KCNQ1: variants seen among roughly 807,000 people sequenced by gnomAD.
KCNQ1 encodes potassium voltage-gated channel subfamily Q member 1.
Under a neutral mutation model 72.4 loss-of-function variants are expected in KCNQ1, and 49 were observed. The observed-to-expected ratio is 0.68, with a 90% CI of 0.54 to 0.86. The LOEUF (loss-of-function observed/expected upper bound fraction) is 0.86, where lower values mean the gene tolerates loss of function less well. KCNQ1 is among the 40% of genes least tolerant of loss of function. The pLI, the probability that KCNQ1 is intolerant of heterozygous loss-of-function variation, is 0.00. For synonymous variants in KCNQ1, 450 were observed against 412.6 expected (o/e 1.09, Z -1.10); for missense variants, 790 against 945.1 (o/e 0.84, Z 2.15).
chr11:2,742,183 C>T (rs1223441005), intron 11 of KCNQ1, among the ~76,000 whole-genome samples: 6 of 152,378 alleles, frequency 3.9e-5, no homozygotes, highest in East Asian at 1.9e-4. Context: ...TTGCACAGAA[C>T]GACCATCCCT....
intron 15 of KCNQ1, among the ~76,000 whole-genome samples, chr11:2,845,053 G>A (rs957665950): frequency 8.6e-5 from 13 of 152,010 alleles, no homozygotes; most frequent in African/African-American, 3.1e-4. Context: ...GTTTCCTCAT[G>A]TGCACCCTGA....
intron 11 of KCNQ1, among the ~76,000 whole-genome samples, chr11:2,730,533 A>G (rs892009555): frequency 2.0e-5 from 3 of 152,014 alleles, no homozygotes; most frequent in African/African-American, 7.2e-5. Context: ...TGGGGAGTGC[A>G]GGGGTGATCT....
chr11:2,686,656 C>A (rs1488840801), intron 11 of KCNQ1: 1 of 398,608 alleles, frequency 2.5e-6, no homozygotes, highest in East Asian at 3.6e-5. Context: ...AGCATGGCCG[C>A]TGGATCAAGT....
chr11:2,700,893 G>A (rs1471869224), intron 11 of KCNQ1, among the ~76,000 whole-genome samples: 1 of 152,222 alleles, frequency 6.6e-6, no homozygotes, highest in Non-Finnish European at 1.5e-5. Context: ...AAACTCCGGG[G>A]ACAAAAGCCT....
chr11:2,583,959 T>C (rs16924843), intron 7 of KCNQ1, among the ~76,000 whole-genome samples: 12,574 of 152,238 alleles, frequency 0.083, 639 homozygotes, highest in East Asian at 0.18. Flanking sequence ...TAAGGTGATG[T>C]GTCTAGTTCA....
chr11:2,805,859 C>T (rs975853131), intron 15 of KCNQ1, among the ~76,000 whole-genome samples: 1 of 152,204 alleles, frequency 6.6e-6, no homozygotes, highest in Non-Finnish European at 1.5e-5. Flanking sequence ...CATTCCTCCC[C>T]CCTTGACCTC....
At chr11:2,775,409 C>T (rs1357111829) in intron 12 of KCNQ1, among the ~76,000 whole-genome samples, 2 of 152,258 alleles carry the variant, frequency 1.3e-5, no homozygotes, top group East Asian at 3.8e-4. Flanking sequence ...GTGCTGCAGG[C>T]TAAGGCCGTC....
rs2133860313 is a variant in KCNQ1 at position 2,664,888 on chromosome 11, A to G, written c.1514+2807A>G. 2 of 398,556 alleles carry G rather than the reference A, an allele frequency of 5.0e-6. No individual in the cohort carries two copies. Among genetic ancestry groups the G allele is most frequent in the South Asian group, 1.3e-4 (1 of 7,850 alleles). 24.7% of individuals were successfully genotyped at this position (398,556 alleles called of 1,614,324 possible). ...ATTCAAATTAAAAACATAAATAAAG[A>G]CACATTTTGTTTCCATCTCGAGCTC... On this transcript the variant is annotated intron_variant, in intron 11 of 15. Coordinates refer to ENST00000155840, the MANE Select transcript of KCNQ1 (RefSeq NM_000218.3). This position sits in a 1 kb window ranked among gnomAD's most constrained non-coding sequence, Gnocchi z 5.1.
rs987109536 is a variant in KCNQ1 at position 2,839,580 on chromosome 11, A to C, written c.1795-8187A>C. 2.0e-5 allele frequency: 3 copies of C among 152,024 alleles called. No individual in the cohort carries two copies. In the South Asian group the frequency reaches 6.2e-4, roughly 32 times the overall value. The allele number at this position is 152,024 out of a possible 1,614,324, so 9.4% of individuals were successfully genotyped here. A position where few individuals can be genotyped will look rare whatever the true frequency, so the allele number is the denominator to read the frequency against. On this transcript the variant is annotated intron_variant, in intron 15 of 15. Transcript: ENST00000155840. ...GAGGTGAGGGCTGAGCCGAGGGAGA[A>C]TCCAGGAAGGCGTGCGGGCCGAGAG...
At chr11:2,747,888 G>C (rs568111459) in intron 11 of KCNQ1, among the ~76,000 whole-genome samples, 1 of 152,062 alleles carries the variant, frequency 6.6e-6, no homozygotes, top group Non-Finnish European at 1.5e-5. Context: ...CAGCTTCCCC[G>C]GGCTTTACCA....
rs556347176 is a variant in KCNQ1 at position 2,447,020 on chromosome 11, C to T, written c.386+1536C>T. ...TCTGAGATGTCCAAGGGTGGGAAGA[C>T]CTCCTCAGCCAGAGGCCAAGGCAAA... is the stretch of plus-strand genomic sequence containing the variant. On this transcript the variant is annotated intron_variant, in intron 1 of 15. Coordinates refer to ENST00000155840, the MANE Select transcript of KCNQ1 (RefSeq NM_000218.3). The surrounding 1 kb of genome is among the most constrained non-coding windows in gnomAD (Gnocchi z 7.6). Among the ~76,000 whole-genome samples, 61 of 152,334 alleles carry T rather than the reference C, an allele frequency of 4.0e-4. No individual in the cohort carries two copies. The highest frequency in any genetic ancestry group is 1.4e-3 in the African/African-American group (60 of 41,572).
At position 2,594,890 on chromosome 11, in the gene KCNQ1, A is replaced by G. The variant is rs754238327; in HGVS notation, c.1393+6036A>G. ...ATTCTGTTCACTGTAGTTTTTTCTG[A>G]CTCTTGCTCATGATGGCTCATTTCA... On this transcript the variant is annotated intron_variant, in intron 10 of 15. Coordinates refer to ENST00000155840, the MANE Select transcript of KCNQ1 (RefSeq NM_000218.3). Among the ~76,000 whole-genome samples the G allele has an allele frequency of 4.0e-5, 6 of 151,686 alleles. No homozygotes were observed. In the South Asian group the frequency reaches 6.2e-4, roughly 16 times the overall value.
At chr11:2,461,138 C>T (rs981634625) in intron 1 of KCNQ1, among the ~76,000 whole-genome samples, 2 of 152,026 alleles carry the variant, frequency 1.3e-5, no homozygotes, top group African/African-American at 4.8e-5. Flanking sequence ...CTGAGTTTGT[C>T]CTCATGTGTC....
chr11:2,587,472 G>A (rs760245984), intron 8 of KCNQ1, 98 bp from the exon 9 acceptor site: 57 of 1,561,316 alleles, frequency 3.7e-5, no homozygotes, highest in Non-Finnish European at 4.8e-5. Context: ...GAGGGGAGGG[G>A]CCAGGCCTGG....
chr11:2,837,516 G>A (rs1293233718), intron 15 of KCNQ1, among the ~76,000 whole-genome samples: 1 of 152,250 alleles, frequency 6.6e-6, no homozygotes, highest in African/African-American at 2.4e-5. Flanking sequence ...CTCCCAGCGA[G>A]CAAGAGGCCA....
rs760785016 is a variant in KCNQ1 at position 2,825,487 on chromosome 11, G to A, written c.1795-22280G>A. Reference sequence around the variant, plus strand: ...TCTACTGGCCAGTGTCCCTCCAGTCGTCCAGCCCTTGCTGCCAGGGGCCCC... The same window carrying A: ...TCTACTGGCCAGTGTCCCTCCAGTCATCCAGCCCTTGCTGCCAGGGGCCCC... On this transcript the variant is annotated intron_variant, in intron 15 of 15. Transcript: ENST00000155840. 1.4e-3 allele frequency among the ~76,000 whole-genome samples: 220 copies of A among 152,152 alleles called. 1 individual carries two copies. The highest frequency in any genetic ancestry group is 4.9e-3 in the African/African-American group (203 of 41,516).
intron 15 of KCNQ1, among the ~76,000 whole-genome samples, chr11:2,794,222 C>G (rs1847086304): frequency 6.6e-6 from 1 of 152,182 alleles, no homozygotes. Context: ...GGGTGGAGGC[C>G]TTGGGGCCAG....
chr11:2,708,580 G>A (rs917619978), intron 11 of KCNQ1, among the ~76,000 whole-genome samples: 1 of 152,130 alleles, frequency 6.6e-6, no homozygotes, highest in Admixed American at 6.5e-5. Context: ...CACAGGGTGG[G>A]CAGTGACCAG....
rs1051431956 is a variant in KCNQ1 at position 2,549,330 on chromosome 11, T to C, written c.478-21298T>C. ...CAGGGTGCGGGGTGCGGGACAAACC[T>C]GGGTCCAGGCACCTGGGGCGACCCT... On this transcript the variant is annotated intron_variant, in intron 2 of 15. Transcript: ENST00000155840. This position sits in a 1 kb window ranked among gnomAD's most constrained non-coding sequence, Gnocchi z 6.2. Among the ~76,000 whole-genome samples, 9 of 152,126 alleles carry C rather than the reference T, an allele frequency of 5.9e-5. No homozygotes were observed. Among genetic ancestry groups the C allele is most frequent in the African/African-American group, 1.9e-4 (8 of 41,436 alleles).
Sources: gnomAD v4.1 joint callset for allele counts (sites outside exome capture counted in the v4.1 genomes callset) on GRCh38, gnomAD v4.1.1 for gene constraint, Gnocchi (gnomAD v3.1) non-coding constraint, MANE v1.5 for transcripts, NCBI Gene and HGNC (gene_info 2026-07-23, HGNC 2026-07-21) for gene names.